Variants in BRCA1 observed in about 807,000 individuals in gnomAD.
BRCA1 encodes the protein breast cancer type 1 susceptibility protein.
A neutral mutation model predicts 173.7 loss-of-function variants in BRCA1; 140 were observed. That is an observed-to-expected ratio of 0.81 (90% confidence interval 0.70 to 0.93). The LOEUF is 0.93. BRCA1 is among the 40% of genes least tolerant of loss of function. The probability of loss-of-function intolerance (pLI) is 0.00; values close to 1 mark genes in which losing one functional copy is unlikely to be tolerated. For missense variants in BRCA1, 1,983 were observed against 2,172.5 expected, an observed-to-expected ratio of 0.91 and a Z score of 1.73; for synonymous variants, 662 against 756.0, an observed-to-expected ratio of 0.88 and a Z score of 2.04.
At chr17:43,125,111 T>TCCCCCCCCC in intron 1 of BRCA1, 160 bp downstream of exon 1, 8 of 423,308 alleles carry the variant, frequency 1.9e-5, no homozygotes, top group East Asian at 7.7e-5. Flanking sequence ...ACCTACAAAC[T>TCCCCCCCCC]GCCCCCCTCC....
At chr17:43,086,181 G>A (rs902717121) in intron 11 of BRCA1, among the ~76,000 whole-genome samples, 2 of 149,412 alleles carry the variant, frequency 1.3e-5, no homozygotes, top group East Asian at 2.0e-4. Context: ...CTCCTATCGG[G>A]AACAGATGAT....
In BRCA1 at chr17:43,109,258, A is replaced by G. The variant is rs758215949; in HGVS notation, c.135-2725T>C. Among the ~76,000 whole-genome samples the G allele has an allele frequency of 4.6e-5, 7 of 152,086 alleles. 1 individual carries two copies. Among genetic ancestry groups the G allele is most frequent in the South Asian group, 2.1e-4 (1 of 4,812 alleles). On this transcript the variant is annotated intron_variant, in intron 3 of 22. Coordinates refer to ENST00000357654, the MANE Select transcript of BRCA1 (RefSeq NM_007294.4). ...GTGATCCTCCTGCCTTGGCATCCCA[A>G]CGTGCTGGGATTACAGGCATGAGCC...
chr17:43,142,984 A>ATG (rs1567830734), intron 1 of BRCA1, among the ~76,000 whole-genome samples: 24 of 149,518 alleles, frequency 1.6e-4, no homozygotes, highest in Non-Finnish European at 2.8e-4. Flanking sequence ...ATGTGTGTAT[A>ATG]TATATATGTA....
At position 43,053,653 on chromosome 17, in the gene BRCA1, C is replaced by T. The variant is rs904376217; in HGVS notation, c.5278-2536G>A. On this transcript the variant is annotated intron_variant, in intron 19 of 22. Transcript: ENST00000357654. ...CTGCACTCCAGCCTGGGTGACATAGCGAGACTCTGTCTCAAAAAAAAAAAG... is the reference window on the plus strand; with the variant it reads ...CTGCACTCCAGCCTGGGTGACATAGTGAGACTCTGTCTCAAAAAAAAAAAG... 1.9e-3 allele frequency among the ~76,000 whole-genome samples: 284 copies of T among 150,092 alleles called. 2 individuals are homozygous for T. The highest frequency in any genetic ancestry group is 6.9e-3 in the African/African-American group (281 of 40,640).
chr17:43,142,958 G>A (rs1237589064), intron 1 of BRCA1, among the ~76,000 whole-genome samples: 2 of 128,926 alleles, frequency 1.6e-5, no homozygotes, highest in Admixed American at 8.0e-5. Context: ...ATATGTGTGT[G>A]TGTGTGTGTA....
chr17:43,097,590 C>G (rs1237589915), intron 7 of BRCA1, among the ~76,000 whole-genome samples: 1 of 152,042 alleles, frequency 6.6e-6, no homozygotes, highest in East Asian at 1.9e-4. Context: ...CCCGTTTCTA[C>G]TGAAAACAAA....
At chr17:43,163,776 C>G (rs1355213459) in intron 1 of BRCA1, 1 of 152,222 alleles carries the variant, frequency 6.6e-6, no homozygotes, top group Non-Finnish European at 1.5e-5. Context: ...AATTCTTAAG[C>G]TAACTGCATC....
At position 43,044,351 on chromosome 17, in the gene BRCA1, C is replaced by T. The variant is rs184237074; in HGVS notation, c.*1327G>A. The T allele has an allele frequency of 3.5e-3, 1,740 of 497,250 alleles. 35 individuals are homozygous for T. The highest frequency in any genetic ancestry group is 0.026 in the South Asian group (1,655 of 64,244). The allele number at this position is 497,250 out of a possible 1,614,324, so 30.8% of individuals were successfully genotyped here. ...TGTTAACAGCACAACATTTACAAAA[C>T]GTATTTTGTACAATCAAGTCTTCAC... On this transcript the variant is annotated 3_prime_UTR_variant, in exon 23 of 23. Transcript: ENST00000357654.
intron 1 of BRCA1, chr17:43,145,238 A>G: frequency 7.2e-6 from 5 of 695,154 alleles, no homozygotes; most frequent in South Asian, 6.9e-5. Context: ...AGCAGGAGAT[A>G]AAGAAGCCAA....
rs2154549164 is a variant in BRCA1, at chr17:43,104,171, C to G, written c.392G>C (p.Arg131Thr). The change falls in exon 6 of 23, where the codon AGA (arginine) becomes ACA (threonine). Residue 131 changes from arginine to threonine, a missense_variant. Coordinates refer to ENST00000357654, the MANE Select transcript of BRCA1 (RefSeq NM_007294.4). ...CTGTAGAAGTCTTTTGGCACGGTTT[C>G]TGTAGCCCATACTTTGGATGATAGA... The part of the protein sequence containing the change: ...EVSIIQSMGY[R>T]NRAKRLLQSE... The G allele has an allele frequency of 6.2e-7, 1 of 1,613,958 alleles. No homozygotes were observed. The highest frequency in any genetic ancestry group is 8.5e-7 in the Non-Finnish European group (1 of 1,179,954).
Position 43,092,005 on chromosome 17 carries a change from C to T in BRCA1, c.3526G>A (p.Val1176Ile), listed in dbSNP as rs777796838. Residue 1176 changes from valine (V) to isoleucine (I), a missense_variant, in exon 10 of 23, where the codon GTT (valine) becomes ATT (isoleucine). By Grantham distance (29) the Val-to-Ile change is conservative. Coordinates refer to ENST00000357654, the MANE Select transcript of BRCA1 (RefSeq NM_007294.4). ...AENDIKESSA[V>I]FSKSVQKGEL... Reference sequence around the variant, plus strand: ...CCTTTCTGGACGCTTTTGCTAAAAACAGCAGAACTTTCCTTAATGTCATTT... The same window carrying T: ...CCTTTCTGGACGCTTTTGCTAAAAATAGCAGAACTTTCCTTAATGTCATTT... 2 of 1,614,120 alleles carry T rather than the reference C, an allele frequency of 1.2e-6. No individual in the cohort carries two copies. The highest frequency in any genetic ancestry group is 1.6e-4 in the Middle Eastern group (1 of 6,062).
intron 3 of BRCA1, among the ~76,000 whole-genome samples, chr17:43,113,483 C>T (rs2055130662): frequency 6.6e-6 from 1 of 152,136 alleles, no homozygotes; most frequent in Non-Finnish European, 1.5e-5. Flanking sequence ...ACCCCTGCCG[C>T]AGCCTACCAA....
rs587776489 is a variant in BRCA1 at position 43,104,190 on chromosome 17, T to C, written c.373A>G (p.Ile125Val). Reference protein sequence around the residue: ...PEHLKDEVSIIQSMGYRNRAK... With the variant: ...PEHLKDEVSIVQSMGYRNRAK... ...CGGTTTCTGTAGCCCATACTTTGGA[T>C]GATAGAAACTTCATCTTTTAGATGT... The change falls in exon 6 of 23, where the codon ATC (isoleucine) becomes GTC (valine). Residue 125 changes from isoleucine (I) to valine (V), a missense_variant. By Grantham distance (29) the Ile-to-Val change is conservative. Transcript: ENST00000357654. The C allele has an allele frequency of 1.2e-6, 2 of 1,613,886 alleles. No homozygotes were observed. Among genetic ancestry groups the C allele is most frequent in the African/African-American group, 1.3e-5 (1 of 74,936 alleles).
rs758108974 is a variant in BRCA1 at position 43,104,283 on chromosome 17, A to G, written c.302-22T>C. ...GCATCTGTAAAATACAAGGGAAAAC[A>G]TTATGTTTGCAGTTAGAGAAAAATG... On this transcript the variant is annotated intron_variant, in intron 5 of 22. Transcript: ENST00000357654. The G allele has an allele frequency of 4.4e-6, 7 of 1,606,044 alleles. No individual in the cohort carries two copies. Among genetic ancestry groups the G allele is most frequent in the Non-Finnish European group, 6.0e-6 (7 of 1,174,118 alleles).
At chr17:43,159,047 C>G (rs975533897) in intron 1 of BRCA1, among the ~76,000 whole-genome samples, 1 of 152,088 alleles carries the variant, frequency 6.6e-6, no homozygotes, top group Non-Finnish European at 1.5e-5. Flanking sequence ...ACCAGCGTGG[C>G]CAACATGGCA....
At chr17:43,068,020 G>A (rs1022797604) in intron 15 of BRCA1, among the ~76,000 whole-genome samples, 19 of 151,682 alleles carry the variant, frequency 1.3e-4, no homozygotes, top group Non-Finnish European at 1.8e-4. Flanking sequence ...GCTCACGCCT[G>A]TAATCTCAGC....
Position 43,148,886 on chromosome 17 carries a change from T to A in BRCA1, c.-20+21240A>T, listed in dbSNP as rs562232314. 5 of 167,586 alleles carry A rather than the reference T, an allele frequency of 3.0e-5. No individual in the cohort carries two copies. The Admixed American group carries it at 3.3e-4, about 11-fold the overall frequency. The allele number at this position is 167,586 out of a possible 1,614,324, so 10.4% of individuals were successfully genotyped here. A position where few individuals can be genotyped will look rare whatever the true frequency, so the allele number is the denominator to read the frequency against. On this transcript the variant is annotated intron_variant, in intron 1 of 7. Coordinates refer to the BRCA1 transcript ENST00000634433. ...TTCATTATAAGTCTCATCTACCTAA[T>A]GAGATAACTTTTTTGAAGACAGGAA...
chr17:43,169,550 G>A (rs185921007), intron 1 of BRCA1, among the ~76,000 whole-genome samples: 142 of 152,264 alleles, frequency 9.3e-4, no homozygotes, highest in African/African-American at 3.3e-3. Flanking sequence ...CGGACACACT[G>A]TGCCCCCAAC....
At chr17:43,154,541 AAAT>A (rs1000030763) in intron 1 of BRCA1, among the ~76,000 whole-genome samples, 7 of 152,044 alleles carry the variant, frequency 4.6e-5, no homozygotes, top group Non-Finnish European at 7.4e-5. Flanking sequence ...CTCTGTCTCA[AAAT>A]AATAATAATA....
Sources: allele counts gnomAD v4.1 joint callset (sites outside exome capture counted in the v4.1 genomes callset), GRCh38; gene constraint gnomAD v4.1.1; transcripts MANE v1.5; gene names NCBI Gene and HGNC (gene_info 2026-07-23, HGNC 2026-07-21).